Variants in NEK10 observed in about 807,000 individuals in gnomAD.
The protein encoded by NEK10 is serine/threonine-protein kinase Nek10.
Under a neutral mutation model 159.8 loss-of-function variants are expected in NEK10, and 122 were observed. That is an observed-to-expected ratio of 0.76 (90% CI 0.66 to 0.89). NEK10 has a LOEUF of 0.89. Among genes scored for constraint, NEK10 ranks in the 40% least tolerant of loss-of-function variants. The pLI, the probability that NEK10 is intolerant of heterozygous loss-of-function variation, is 0.00. For missense variants in NEK10, 1,342 were observed against 1,323.1 expected (o/e 1.01, Z -0.22); for synonymous variants, 466 against 457.1 (o/e 1.02, Z -0.25).
chr3:27,222,656 G>A (rs905114346), intron 23 of NEK10, among the ~76,000 whole-genome samples: 11 of 151,986 alleles, frequency 7.2e-5, no homozygotes, highest in Admixed American at 1.3e-4. Context: ...GTTTCACAAA[G>A]AGGTATTACT....
chr3:27,119,936 T>TG, intron 32 of NEK10, 68 bp from the exon 33 acceptor site: 1 of 1,202,832 alleles, frequency 8.3e-7, no homozygotes, highest in East Asian at 2.3e-5. Flanking sequence ...GACCTCTGTG[T>TG]GGGGTTTTTC....
chr3:27,286,252 A>AT (rs1256968240), intron 20 of NEK10, among the ~76,000 whole-genome samples: 1 of 139,822 alleles, frequency 7.2e-6, no homozygotes, highest in Non-Finnish European at 1.6e-5. Context: ...CGCCCGGCTA[A>AT]TTTTTTTGTA....
At chr3:27,122,026 T>G (rs1407022750) in intron 32 of NEK10, among the ~76,000 whole-genome samples, 1 of 152,196 alleles carries the variant, frequency 6.6e-6, no homozygotes. Context: ...AAATCATTTG[T>G]GGGTTTCCTA....
At chr3:27,206,463 A>G (rs577545546) in intron 23 of NEK10, 2 of 323,764 alleles carry the variant, frequency 6.2e-6, no homozygotes, top group Admixed American at 1.3e-4. Flanking sequence ...GTAAGGTGGC[A>G]AGTTGCAATA....
chr3:27,201,976 T>C (rs11920380), intron 24 of NEK10, among the ~76,000 whole-genome samples: 35,500 of 148,026 alleles, frequency 0.24, 4,466 homozygotes, highest in Middle Eastern at 0.38. Flanking sequence ...CTGGCCAACA[T>C]GGTGAAACCT....
chr3:27,353,277 T>C (rs1176626582), intron 1 of NEK10, among the ~76,000 whole-genome samples: 1 of 152,176 alleles, frequency 6.6e-6, no homozygotes, highest in Non-Finnish European at 1.5e-5. Flanking sequence ...ACATAACAAA[T>C]ACAAAATTAA....
intron 23 of NEK10, among the ~76,000 whole-genome samples, chr3:27,243,404 T>G (rs1954752063): frequency 6.8e-6 from 1 of 147,900 alleles, no homozygotes; most frequent in Admixed American, 6.6e-5. Context: ...TATTTAATTC[T>G]TTTGCCCCTA....
At chr3:27,264,691 A>C (rs910909867) in intron 22 of NEK10, among the ~76,000 whole-genome samples, 11 of 152,150 alleles carry the variant, frequency 7.2e-5, no homozygotes, top group Non-Finnish European at 1.3e-4. Context: ...CAGAAGTTTG[A>C]GACCACCCTG....
At chr3:27,232,358 G>A (rs1008511699) in intron 23 of NEK10, among the ~76,000 whole-genome samples, 5 of 151,822 alleles carry the variant, frequency 3.3e-5, no homozygotes, top group African/African-American at 1.2e-4. Flanking sequence ...CTTAACCAAG[G>A]AAGTGAATGA....
intron 30 of NEK10, 116 bp downstream of exon 30, chr3:27,162,585 G>T (rs749663404): frequency 6.2e-7 from 1 of 1,614,100 alleles, no homozygotes; most frequent in East Asian, 2.2e-5. Context: ...TCAGAAGCAG[G>T]TCAAGAGGCA....
chr3:27,128,254 T>C (rs1942202302), intron 32 of NEK10, among the ~76,000 whole-genome samples: 1 of 152,172 alleles, frequency 6.6e-6, no homozygotes, highest in Non-Finnish European at 1.5e-5. Context: ...AGGGCTGTAA[T>C]TTGCTGACTT....
chr3:27,297,277 T>C, intron 13 of NEK10, 37 bp from the exon 14 acceptor site: 2 of 1,373,306 alleles, frequency 1.5e-6, no homozygotes, highest in East Asian at 2.3e-5. Flanking sequence ...GTGTGCATCA[T>C]TACAATAAAT....
At chr3:27,301,261 T>C (rs1448005898) in intron 13 of NEK10, among the ~76,000 whole-genome samples, 1 of 152,204 alleles carries the variant, frequency 6.6e-6, no homozygotes, top group South Asian at 2.1e-4. Context: ...AGTCTTCTCT[T>C]TGGAGCTCAA....
Position 27,256,407 on chromosome 3 carries a change from T to C in NEK10, c.2015-36A>G, listed in dbSNP as rs773743941. On this transcript the variant is annotated intron_variant, in intron 22 of 35. Transcript: ENST00000691995. ...CAAAACAACGCAATATGTTACTATATTTTCCCAGAGTTATCATTGTTCCTT... is the reference window on the plus strand; with the variant it reads ...CAAAACAACGCAATATGTTACTATACTTTCCCAGAGTTATCATTGTTCCTT... 1.9e-5 allele frequency: 26 copies of C among 1,352,874 alleles called. No individual in the cohort carries two copies. In the South Asian group the frequency reaches 3.5e-4, roughly 18 times the overall value. 83.8% of individuals were successfully genotyped at this position (1,352,874 alleles called of 1,614,324 possible).
At chr3:27,355,549 T>C (rs1437396603) in intron 1 of NEK10, among the ~76,000 whole-genome samples, 1 of 152,020 alleles carries the variant, frequency 6.6e-6, no homozygotes, top group South Asian at 2.1e-4. Flanking sequence ...ACCTCCCATA[T>C]TCAAGCCACC....
chr3:27,368,189 G>T (rs1430879548), intron 1 of NEK10, among the ~76,000 whole-genome samples: 1 of 152,068 alleles, frequency 6.6e-6, no homozygotes, highest in African/African-American at 2.4e-5. Flanking sequence ...GCTCTCTGGA[G>T]GCTGAGGCAT....
At chr3:27,357,567 G>A (rs1340834268) in intron 1 of NEK10, among the ~76,000 whole-genome samples, 1 of 152,084 alleles carries the variant, frequency 6.6e-6, no homozygotes, top group South Asian at 2.1e-4. Context: ...TTCAAATCCT[G>A]TTCAGTGAGA....
At chr3:27,268,661 A>G (rs1259351279) in intron 22 of NEK10, among the ~76,000 whole-genome samples, 1 of 152,230 alleles carries the variant, frequency 6.6e-6, no homozygotes, top group Non-Finnish European at 1.5e-5. Flanking sequence ...TGTTGACAAT[A>G]CACCTCATCA....
intron 35 of NEK10, among the ~76,000 whole-genome samples, chr3:27,112,020 C>A (rs2125396002): frequency 6.6e-6 from 1 of 152,274 alleles, no homozygotes; most frequent in East Asian, 1.9e-4. Context: ...CCAACTCAGT[C>A]CTAGCTCCCT....
Sources: allele counts gnomAD v4.1 joint callset (sites outside exome capture counted in the v4.1 genomes callset), GRCh38; gene constraint gnomAD v4.1.1; transcripts MANE v1.5; gene names NCBI Gene and HGNC (gene_info 2026-07-23, HGNC 2026-07-21).